The following KDM2A variants were observed in gnomAD, a reference collection of about 807,000 sequenced individuals.
KDM2A encodes the protein lysine-specific demethylase 2A.
KDM2A carries 3 observed loss-of-function variants against 137.3 expected under a neutral mutation model. The ratio of observed to expected loss-of-function variants is 0.02; its 90% CI spans 0.01 to 0.06. The LOEUF is 0.06. Ranked by LOEUF, KDM2A falls within the 10% of genes least tolerant of loss-of-function variation. The probability of loss-of-function intolerance (pLI) is 1.00; values close to 1 mark genes in which losing one functional copy is unlikely to be tolerated. For synonymous variants in KDM2A, 512 were observed against 541.5 expected (o/e 0.95, Z 0.76); for missense variants, 738 against 1,510.6 (o/e 0.49, Z 8.48).
At chr11:67,237,441 T>TTTA (rs148254964) in intron 12 of KDM2A, among the ~76,000 whole-genome samples, 17 of 150,194 alleles carry the variant, frequency 1.1e-4, no homozygotes, top group South Asian at 1.0e-3. Flanking sequence ...TAAATTTTTC[T>TTTA]TTATTATTAT....
chr11:67,163,901 G>GC (rs954084322), intron 2 of KDM2A, among the ~76,000 whole-genome samples: 10 of 151,044 alleles, frequency 6.6e-5, no homozygotes, highest in African/African-American at 2.4e-4. Context: ...TTGAGTATGT[G>GC]CTAGATACTT....
intron 2 of KDM2A, among the ~76,000 whole-genome samples, chr11:67,142,943 C>T (rs1002025044): frequency 6.6e-6 from 1 of 151,660 alleles, no homozygotes; most frequent in Non-Finnish European, 1.5e-5. Context: ...CTTCTACTCC[C>T]TCTCAGTTGT....
At position 67,185,506 on chromosome 11, in the gene KDM2A, G is replaced by A. The variant is rs545883588; in HGVS notation, c.307+3614G>A. Reference sequence around the variant, plus strand: ...TAACTGGGCATGGTGGTGGGCCCCTGTAATCCCAGCTACTTGGGAGGGCTC... The same window carrying A: ...TAACTGGGCATGGTGGTGGGCCCCTATAATCCCAGCTACTTGGGAGGGCTC... On this transcript the variant is annotated intron_variant, in intron 5 of 20. Transcript: ENST00000529006. Among the ~76,000 whole-genome samples, 342 of 152,084 alleles carry A rather than the reference G, an allele frequency of 2.2e-3. 1 individual carries two copies. Among genetic ancestry groups the A allele is most frequent in the Middle Eastern group, 3.4e-3 (1 of 294 alleles).
intron 5 of KDM2A, among the ~76,000 whole-genome samples, chr11:67,206,452 A>G (rs1307573837): frequency 6.6e-6 from 1 of 151,660 alleles, no homozygotes; most frequent in Non-Finnish European, 1.5e-5. Flanking sequence ...AAAGAAATAA[A>G]TAGGCTGGGC....
chr11:67,194,838 T>C (rs1460026115), intron 5 of KDM2A, among the ~76,000 whole-genome samples: 1 of 152,206 alleles, frequency 6.6e-6, no homozygotes, highest in Non-Finnish European at 1.5e-5. Context: ...ATCCTATTTG[T>C]GTATCTAAGA....
At chr11:67,164,340 T>C (rs1292114021) in intron 2 of KDM2A, among the ~76,000 whole-genome samples, 2 of 152,212 alleles carry the variant, frequency 1.3e-5, no homozygotes, top group Non-Finnish European at 2.9e-5. Flanking sequence ...TGATTGAAGA[T>C]GATTTCTTAA....
chr11:67,231,578 A>G lies in KDM2A; in HGVS notation c.1097A>G (p.Asn366Ser), dbSNP rs1256022711. Reference protein sequence around the residue: ...KESLSMDLELNGLESGNGDEE... With the variant: ...KESLSMDLELSGLESGNGDEE... The stretch of plus-strand genomic sequence containing the variant: ...TTCATATTGGTAGATTTGGAGTTAA[A>G]TGGGTTGGAGTCTGGGAATGGGGAT... The change falls in exon 12 of 21, where the codon AAT (asparagine) becomes AGT (serine). Residue 366 changes from asparagine (N) to serine (S), a missense_variant. Around this residue, in one of 9 missense-constraint regions of KDM2A, gnomAD observed 113 missense variants for 133.5 expected, o/e 0.85. Transcript: ENST00000529006. 6.3e-7 allele frequency: 1 copy of G among 1,599,662 alleles called. No individual in the cohort carries two copies. Among genetic ancestry groups the G allele is most frequent in the South Asian group, 1.1e-5 (1 of 88,906 alleles).
rs575937910 is a variant in KDM2A, at chr11:67,135,097, T to C, written c.42+13739T>C. 5.3e-5 allele frequency among the ~76,000 whole-genome samples: 8 copies of C among 152,028 alleles called. No individual in the cohort carries two copies. In the South Asian group the frequency reaches 1.7e-3, roughly 32 times the overall value. ...TTTTTTTTCCCCCTGAGACGGAGTT[T>C]CACTTTTGTTGCCCAGGCTGGAGTG... is the stretch of plus-strand genomic sequence containing the variant. On this transcript the variant is annotated intron_variant, in intron 2 of 20. Transcript: ENST00000529006.
intron 5 of KDM2A, among the ~76,000 whole-genome samples, chr11:67,202,777 A>G (rs113769512): frequency 6.7e-6 from 1 of 148,824 alleles, no homozygotes; most frequent in Non-Finnish European, 1.5e-5. Flanking sequence ...CTTCGTCTCA[A>G]AAAAAAAAAA....
intron 6 of KDM2A, among the ~76,000 whole-genome samples, chr11:67,209,881 C>G (rs905740040): frequency 6.6e-6 from 1 of 152,024 alleles, no homozygotes. Context: ...GTTAACATAG[C>G]AAGACCTCAT....
chr11:67,126,541 C>T (rs938751296), intron 2 of KDM2A, among the ~76,000 whole-genome samples: 1 of 151,648 alleles, frequency 6.6e-6, no homozygotes, highest in Non-Finnish European at 1.5e-5. Context: ...AACCCTGTCT[C>T]TACTAAAAAT....
chr11:67,153,825 A>G (rs966793905), intron 2 of KDM2A, among the ~76,000 whole-genome samples: 7 of 151,808 alleles, frequency 4.6e-5, no homozygotes, highest in Non-Finnish European at 8.8e-5. Flanking sequence ...AAAAAAAAAA[A>G]AAAAACACCA....
At chr11:67,232,438 G>A (rs972354282) in intron 12 of KDM2A, among the ~76,000 whole-genome samples, 2 of 152,070 alleles carry the variant, frequency 1.3e-5, no homozygotes, top group African/African-American at 4.8e-5. Flanking sequence ...ATTGGGAAAA[G>A]CATCATTTTA....
At chr11:67,176,953 T>A (rs1292999808) in intron 2 of KDM2A, among the ~76,000 whole-genome samples, 3 of 150,294 alleles carry the variant, frequency 2.0e-5, no homozygotes, top group South Asian at 2.1e-4. Context: ...ATTTATAAAA[T>A]TTTTTTTTTC....
chr11:67,245,664 C>T lies in KDM2A; in HGVS notation c.1833+206C>T. The T allele has an allele frequency of 1.6e-6, 1 of 631,730 alleles. No homozygotes were observed. The highest frequency in any genetic ancestry group is 2.1e-5 in the South Asian group (1 of 47,066). The allele number at this position is 631,730 out of a possible 1,614,324, so 39.1% of individuals were successfully genotyped here. ...ATCCGATTTAATCTTTAGGCTTTACCTAATTTTCAAACAAGAGATTAGCAT... is the reference window on the plus strand; with the variant it reads ...ATCCGATTTAATCTTTAGGCTTTACTTAATTTTCAAACAAGAGATTAGCAT... On this transcript the variant is annotated intron_variant, in intron 14 of 20. Coordinates refer to ENST00000529006, the MANE Select transcript of KDM2A (RefSeq NM_012308.3). This position sits in a 1 kb window ranked among gnomAD's most constrained non-coding sequence, Gnocchi z 4.1.
Position 67,207,494 on chromosome 11 carries a change from G to A in KDM2A, c.308-16G>A. On this transcript the variant is annotated splice_polypyrimidine_tract_variant and intron_variant, in intron 5 of 20. Coordinates refer to ENST00000529006, the MANE Select transcript of KDM2A (RefSeq NM_012308.3). ...TAGTGGCTCGATAGAGATGATCGAT[G>A]CATCTTTTATGGCAGGGAGTCGTCG... 2.5e-6 allele frequency: 4 copies of A among 1,572,978 alleles called. No homozygotes were observed. The highest frequency in any genetic ancestry group is 1.7e-6 in the Non-Finnish European group (2 of 1,152,822).
chr11:67,138,850 A>G (rs1395121856), intron 2 of KDM2A, among the ~76,000 whole-genome samples: 2 of 152,188 alleles, frequency 1.3e-5, no homozygotes, highest in African/African-American at 2.4e-5. Flanking sequence ...TAGATGGTAA[A>G]GTTTGAGAAC....
At chr11:67,203,429 A>C (rs1857702202) in intron 5 of KDM2A, among the ~76,000 whole-genome samples, 1 of 38,418 alleles carries the variant, frequency 2.6e-5, no homozygotes. Context: ...AATAGTCTAT[A>C]ATAAATAATA....
intron 16 of KDM2A, among the ~76,000 whole-genome samples, chr11:67,249,445 C>T (rs1205432846): frequency 6.6e-6 from 1 of 152,188 alleles, no homozygotes; most frequent in Non-Finnish European, 1.5e-5. Context: ...AAAACCTGAA[C>T]TACTGATACG....
Sources: gnomAD v4.1 joint callset for allele counts (sites outside exome capture counted in the v4.1 genomes callset) on GRCh38, gnomAD v4.1.1 for gene constraint, gnomAD v4.1.1 regional missense constraint, Gnocchi (gnomAD v3.1) non-coding constraint, MANE v1.5 for transcripts, NCBI Gene and HGNC (gene_info 2026-07-23, HGNC 2026-07-21) for gene names.